The following PPIG variants were observed in gnomAD, a reference collection of about 807,000 sequenced individuals.
PPIG encodes the protein peptidyl-prolyl cis-trans isomerase G.
PPIG carries 26 observed loss-of-function variants against 87.9 expected under a neutral mutation model. That is an observed-to-expected ratio of 0.30 (90% CI 0.22 to 0.41). PPIG has a LOEUF of 0.41. Ranked by LOEUF, PPIG falls within the 10% of genes least tolerant of loss-of-function variation. PPIG has a pLI of 1.00. For missense variants in PPIG, 722 were observed against 879.4 expected, an observed-to-expected ratio of 0.82 and a Z score of 2.26; for synonymous variants, 308 against 276.5, an observed-to-expected ratio of 1.11 and a Z score of -1.13.
rs140080677 is a variant in PPIG at position 169,614,022 on chromosome 2, A to G, written c.378-442A>G. Among the ~76,000 whole-genome samples the G allele has an allele frequency of 2.1e-3, 315 of 152,370 alleles. 9 individuals are homozygous for G. In the East Asian group the frequency reaches 0.048, roughly 23 times the overall value. On this transcript the variant is annotated intron_variant, in intron 7 of 13. Coordinates refer to ENST00000260970, the MANE Select transcript of PPIG (RefSeq NM_004792.3). ...ATATGTCTGAGGATCATAAGAATAT[A>G]GCCCGTGCTTAACTGTTTAAAATGT...
intron 1 of PPIG, among the ~76,000 whole-genome samples, chr2:169,587,516 A>G (rs1684735598): frequency 6.6e-6 from 1 of 152,206 alleles, no homozygotes; most frequent in South Asian, 2.1e-4. Context: ...CTAGTATTAC[A>G]GGCGTGAGCC....
intron 4 of PPIG, 37 bp downstream of exon 4, chr2:169,604,298 C>T: frequency 3.2e-6 from 3 of 926,146 alleles, no homozygotes; most frequent in Non-Finnish European, 5.0e-6. Flanking sequence ...ATAGTAGTCT[C>T]AGTTGACTAT....
chr2:169,638,176 G>C lies in PPIG; in HGVS notation c.*653G>C, dbSNP rs540280514. 2.6e-5 allele frequency: 4 copies of C among 152,102 alleles called. No individual in the cohort carries two copies. Among genetic ancestry groups the C allele is most frequent in the Admixed American group, 1.3e-4 (2 of 15,276 alleles). The allele number at this position is 152,102 out of a possible 1,614,324, so 9.4% of individuals were successfully genotyped here. On this transcript the variant is annotated 3_prime_UTR_variant, in exon 14 of 14. Transcript: ENST00000260970. ...TTAACTGCCTATAAAAATCGTAAGA[G>C]TAATTTTTTTCAGTTGATGTACTGA...
chr2:169,598,401 C>A (rs2105479982), intron 1 of PPIG, among the ~76,000 whole-genome samples: 1 of 152,244 alleles, frequency 6.6e-6, no homozygotes, highest in African/African-American at 2.4e-5. Flanking sequence ...CACCTTTCTC[C>A]TGCCTCAGCC....
chr2:169,632,189 T>C (rs72625203), intron 11 of PPIG, among the ~76,000 whole-genome samples: 16,771 of 152,180 alleles, frequency 0.11, 1,209 homozygotes, highest in South Asian at 0.26. Context: ...TAAGCAGCAT[T>C]CCAAGCCAAT....
rs142721187 is a variant in PPIG at position 169,617,293 on chromosome 2, T to A, written c.547+2569T>A. 1.8e-3 allele frequency among the ~76,000 whole-genome samples: 269 copies of A among 152,344 alleles called. 5 individuals are homozygous for A. In the East Asian group the frequency reaches 0.04, roughly 23 times the overall value. ...CAGTATAGTTTGAAGTCAGGTAGTATGATGCCTCCAACTTTGTTCCTTTTC... is the reference window on the plus strand; with the variant it reads ...CAGTATAGTTTGAAGTCAGGTAGTAAGATGCCTCCAACTTTGTTCCTTTTC... On this transcript the variant is annotated intron_variant, in intron 9 of 13. Transcript: ENST00000260970.
At chr2:169,587,127 T>G (rs1250705301) in intron 1 of PPIG, among the ~76,000 whole-genome samples, 1 of 152,070 alleles carries the variant, frequency 6.6e-6, no homozygotes, top group African/African-American at 2.4e-5. Flanking sequence ...GAGAAGGGGT[T>G]TCACCATGTT....
intron 9 of PPIG, among the ~76,000 whole-genome samples, chr2:169,621,727 A>G (rs943317036): frequency 6.7e-6 from 1 of 149,854 alleles, no homozygotes; most frequent in Non-Finnish European, 1.5e-5. Flanking sequence ...TCTCTACTTG[A>G]CAACTAATTT....
At chr2:169,609,939 C>A (rs2683437) in intron 7 of PPIG, among the ~76,000 whole-genome samples, 115,363 of 152,146 alleles carry the variant, frequency 0.76, 43,941 homozygotes, top group East Asian at 0.95. Context: ...TAGATTCTGT[C>A]TTTGTGAATT....
intron 4 of PPIG, 27 bp downstream of exon 4, chr2:169,604,288 ATAG>A: frequency 2.1e-6 from 3 of 1,409,262 alleles, no homozygotes; most frequent in Non-Finnish European, 3.0e-6. Flanking sequence ...AACTGCCCTA[ATAG>A]TAGTCTCAGT....
In PPIG at chr2:169,614,813, A is replaced by G. The variant is rs1233743712; in HGVS notation, c.547+89A>G. The G allele has an allele frequency of 7.2e-6, 10 of 1,380,276 alleles. No homozygotes were observed. The East Asian group carries it at 2.4e-4, about 34-fold the overall frequency. 85.5% of individuals were successfully genotyped at this position (1,380,276 alleles called of 1,614,324 possible). A position where few individuals can be genotyped will look rare whatever the true frequency, so the allele number is the denominator to read the frequency against. On this transcript the variant is annotated intron_variant, in intron 9 of 13. Transcript: ENST00000260970. Reference sequence around the variant, plus strand: ...ATAGTTGACATGAAATTCATACTCAAGCTGAAAGAAAAATGAGGTTTTTGT... The same window carrying G: ...ATAGTTGACATGAAATTCATACTCAGGCTGAAAGAAAAATGAGGTTTTTGT...
At chr2:169,635,176 A>T (rs1686149558) in intron 12 of PPIG, among the ~76,000 whole-genome samples, 1 of 152,136 alleles carries the variant, frequency 6.6e-6, no homozygotes, top group Non-Finnish European at 1.5e-5. Flanking sequence ...TTTTTAAAAT[A>T]GTAGCCAGAA....
At position 169,589,104 on chromosome 2, in the gene PPIG, T is replaced by C. The variant is rs192465861; in HGVS notation, c.-70+4614T>C. ...ATTTTTATGTCTCTCAGATCGTATA[T>C]ATAGTAAGTGCGTAATATCCTTATT... On this transcript the variant is annotated intron_variant, in intron 1 of 13. Transcript: ENST00000260970. Among the ~76,000 whole-genome samples, 8 of 152,228 alleles carry C rather than the reference T, an allele frequency of 5.3e-5. No individual in the cohort carries two copies. In the East Asian group the frequency reaches 1.5e-3, roughly 29 times the overall value.
At position 169,636,903 on chromosome 2, in the gene PPIG, T is replaced by G. The variant is rs751443024; in HGVS notation, c.1645T>G (p.Cys549Gly). Residue 549 changes from cysteine (C) to glycine (G), a missense_variant, in exon 14 of 14, where the codon TGT (cysteine) becomes GGT (glycine). Physicochemically the swap from Cys to Gly is radical, Grantham distance 159 (BLOSUM62 -3). Transcript: ENST00000260970. Reference protein sequence around the residue: ...DRRAQSRSRECDITKGKHSYN... With the variant: ...DRRAQSRSREGDITKGKHSYN... ...ACGCGCACAATCCAGGAGTAGAGAA[T>G]GTGATATAACTAAAGGTAAACACAG... The G allele has an allele frequency of 6.2e-7, 1 of 1,613,732 alleles. No homozygotes were observed. The highest frequency in any genetic ancestry group is 8.5e-7 in the Non-Finnish European group (1 of 1,179,932).
At chr2:169,586,032 A>G (rs948433675) in intron 1 of PPIG, among the ~76,000 whole-genome samples, 2 of 152,098 alleles carry the variant, frequency 1.3e-5, no homozygotes, top group Admixed American at 6.6e-5. Context: ...CCTGTTTTTA[A>G]TATATCCTGA....
chr2:169,627,827 G>A (rs545315444), intron 9 of PPIG, among the ~76,000 whole-genome samples: 4 of 151,078 alleles, frequency 2.6e-5, no homozygotes, highest in South Asian at 4.2e-4. Context: ...TCAGACTGGT[G>A]ATTAAAGCTT....
chr2:169,616,092 T>A (rs1366629513), intron 9 of PPIG, among the ~76,000 whole-genome samples: 1 of 152,208 alleles, frequency 6.6e-6, no homozygotes, highest in Non-Finnish European at 1.5e-5. Context: ...AGTGAGAACA[T>A]GCAGTGTTTG....
intron 1 of PPIG, among the ~76,000 whole-genome samples, chr2:169,593,161 T>A: frequency 6.6e-6 from 1 of 151,922 alleles, no homozygotes; most frequent in East Asian, 1.9e-4. Flanking sequence ...ATTTTTTCTT[T>A]ATAATAGCAG....
At chr2:169,613,446 A>T (rs533996215) in intron 7 of PPIG, among the ~76,000 whole-genome samples, 1 of 152,332 alleles carries the variant, frequency 6.6e-6, no homozygotes, top group East Asian at 1.9e-4. Flanking sequence ...AAATCTTATA[A>T]AATGCTAATC....
Sources: gnomAD v4.1 joint callset for allele counts (sites outside exome capture counted in the v4.1 genomes callset) on GRCh38, gnomAD v4.1.1 for gene constraint, MANE v1.5 for transcripts, NCBI Gene and HGNC (gene_info 2026-07-23, HGNC 2026-07-21) for gene names.